The following CCDC63 variants were observed in gnomAD, a reference collection of about 807,000 sequenced individuals.
CCDC63 encodes the protein coiled-coil domain-containing protein 63.
A neutral mutation model predicts 63.6 loss-of-function variants in CCDC63; 54 were observed. The observed-to-expected ratio is 0.85, with a 90% CI of 0.68 to 1.07. The LOEUF (loss-of-function observed/expected upper bound fraction) is 1.07, where lower values mean the gene tolerates loss of function less well. Ranked by LOEUF, CCDC63 falls within the 50% of genes least tolerant of loss-of-function variation. The pLI is 0.00. For synonymous variants in CCDC63, 253 were observed against 266.1 expected, an observed-to-expected ratio of 0.95 and a Z score of 0.48; for missense variants, 637 against 689.6, an observed-to-expected ratio of 0.92 and a Z score of 0.86.
At chr12:110,877,998 C>T (rs757065383) in intron 5 of CCDC63, among the ~76,000 whole-genome samples, 14 of 151,966 alleles carry the variant, frequency 9.2e-5, no homozygotes, top group South Asian at 2.1e-4. Flanking sequence ...TGAGCCACTG[C>T]GCCCAGCCTT....
intron 5 of CCDC63, among the ~76,000 whole-genome samples, chr12:110,879,082 A>G (rs2071167354): frequency 6.6e-6 from 1 of 152,230 alleles, no homozygotes; most frequent in Non-Finnish European, 1.5e-5. Context: ...TTCAGTTTGC[A>G]TATTTTAAAA....
intron 4 of CCDC63, among the ~76,000 whole-genome samples, chr12:110,861,283 T>A (rs2070850029): frequency 6.6e-6 from 1 of 152,060 alleles, no homozygotes; most frequent in South Asian, 2.1e-4. Context: ...AATCTGGAAA[T>A]CTCTTCACAT....
At position 110,898,854 on chromosome 12, in the gene CCDC63, A is replaced by G. The variant is rs1376065764; in HGVS notation, c.1150-79A>G. 7.7e-6 allele frequency: 9 copies of G among 1,166,828 alleles called. No homozygotes were observed. In the East Asian group the frequency reaches 7.9e-5, roughly 10 times the overall value. 72.3% of individuals were successfully genotyped at this position (1,166,828 alleles called of 1,614,324 possible). A position where few individuals can be genotyped will look rare whatever the true frequency, so the allele number is the denominator to read the frequency against. On this transcript the variant is annotated intron_variant, in intron 9 of 11. Transcript: ENST00000308208. ...AGGTTTGAAAACCCGCAGTTTGGAG[A>G]CCCTGACCCCAGAGGGTCCCAAACA...
In CCDC63 at chr12:110,904,460, C is replaced by T. The variant is rs189801165; in HGVS notation, c.1343-128C>T. 5.3e-4 allele frequency: 392 copies of T among 735,500 alleles called. No homozygotes were observed. The African/African-American group carries it at 6.3e-3, about 12-fold the overall frequency. 45.6% of individuals were successfully genotyped at this position (735,500 alleles called of 1,614,324 possible). ...GCCCAGGAGAAAGCCTTTTCCTTGTCAGAGCCCAGATCCCGCACCTCCTGT... is the reference window on the plus strand; with the variant it reads ...GCCCAGGAGAAAGCCTTTTCCTTGTTAGAGCCCAGATCCCGCACCTCCTGT... On this transcript the variant is annotated intron_variant, in intron 10 of 11. Coordinates refer to ENST00000308208, the MANE Select transcript of CCDC63 (RefSeq NM_152591.3).
At chr12:110,862,540 A>T (rs2070869137) in intron 4 of CCDC63, among the ~76,000 whole-genome samples, 1 of 152,202 alleles carries the variant, frequency 6.6e-6, no homozygotes, top group South Asian at 2.1e-4. Flanking sequence ...CATCTGACGT[A>T]AAGACTCCAA....
In CCDC63 at chr12:110,898,965, T is replaced by G. The variant is rs769717493; in HGVS notation, c.1182T>G (p.Asp394Glu). ...DKLRKTTEEADMYESKYGEVS... is the reference protein window; with the variant it reads ...DKLRKTTEEAEMYESKYGEVS... ...TGAGGAAGACCACGGAGGAGGCAGA[T>G]ATGTATGAGAGCAAGTACGGGGAGG... The change falls in exon 10 of 12, where the codon GAT (aspartate) becomes GAG (glutamate). Residue 394 changes from aspartate to glutamate, a missense_variant. Asp to Glu is a conservative substitution (Grantham distance 45). Transcript: ENST00000308208. The G allele has an allele frequency of 3.7e-6, 6 of 1,610,102 alleles. No individual in the cohort carries two copies. Among genetic ancestry groups the G allele is most frequent in the Non-Finnish European group, 4.2e-6 (5 of 1,178,308 alleles).
intron 5 of CCDC63, 68 bp from the exon 6 acceptor site, chr12:110,879,838 G>A (rs1566128582): frequency 1.3e-6 from 2 of 1,500,748 alleles, no homozygotes; most frequent in African/African-American, 2.8e-5. Context: ...AGCCTTCCAG[G>A]TGCCTTCTGG....
At chr12:110,849,186 A>G (rs1053887658) in intron 1 of CCDC63, among the ~76,000 whole-genome samples, 2 of 152,222 alleles carry the variant, frequency 1.3e-5, no homozygotes, top group East Asian at 3.8e-4. Context: ...TTTTCAAGGT[A>G]TGGACCATGT....
intron 5 of CCDC63, among the ~76,000 whole-genome samples, chr12:110,879,489 G>A (rs929587997): frequency 1.3e-5 from 2 of 152,168 alleles, no homozygotes; most frequent in African/African-American, 4.8e-5. Context: ...AACCCTGCAT[G>A]AAAACAGCCC....
intron 8 of CCDC63, 100 bp from the exon 9 acceptor site, chr12:110,892,976 T>C (rs2071375784): frequency 3.3e-6 from 3 of 922,432 alleles, no homozygotes; most frequent in East Asian, 2.4e-5. Flanking sequence ...AAACGGATCA[T>C]TGAAATCCTC....
At chr12:110,904,858 C>G in intron 11 of CCDC63, 67 bp downstream of exon 11, 2 of 1,321,632 alleles carry the variant, frequency 1.5e-6, no homozygotes, top group South Asian at 2.8e-5. Context: ...CTGGGGAGAC[C>G]GTGTCCAGGT....
chr12:110,864,707 C>CAAA (rs112919673), intron 4 of CCDC63, among the ~76,000 whole-genome samples: 16 of 126,588 alleles, frequency 1.3e-4, no homozygotes, highest in South Asian at 5.0e-4. Context: ...GACTCCATCT[C>CAAA]AAAAAAAAAA....
chr12:110,888,859 T>A lies in CCDC63; in HGVS notation c.1075-4217T>A, dbSNP rs531149366. Among the ~76,000 whole-genome samples the A allele has an allele frequency of 8.5e-4, 122 of 143,840 alleles. No individual in the cohort carries two copies. In the Middle Eastern group the frequency reaches 0.021, roughly 24 times the overall value. The allele number at this position is 143,840 out of a possible 152,430, so 94.4% of individuals were successfully genotyped here. On this transcript the variant is annotated intron_variant, in intron 8 of 11. Coordinates refer to ENST00000308208, the MANE Select transcript of CCDC63 (RefSeq NM_152591.3). ...CTTCCTTCCTTCCTTCCTTCCTTCCTTCGTTTTTCTTTCTTTTTCTTTCTT... is the reference window on the plus strand; with the variant it reads ...CTTCCTTCCTTCCTTCCTTCCTTCCATCGTTTTTCTTTCTTTTTCTTTCTT...
intron 4 of CCDC63, among the ~76,000 whole-genome samples, chr12:110,864,354 G>T (rs927734290): frequency 6.6e-6 from 1 of 151,936 alleles, no homozygotes; most frequent in African/African-American, 2.4e-5. Flanking sequence ...TACTGGGGAG[G>T]CTGAAGCAGG....
At chr12:110,881,447 T>C in intron 7 of CCDC63, 151 bp downstream of exon 7, 1 of 804,370 alleles carries the variant, frequency 1.2e-6, no homozygotes, top group Non-Finnish European at 1.9e-6. Flanking sequence ...AGGTTGTGCA[T>C]GGTGGCTCAC....
rs372917745 is a variant in CCDC63 at position 110,853,529 on chromosome 12, G to A, written c.134G>A (p.Arg45Gln). The A allele has an allele frequency of 1.5e-5, 25 of 1,614,078 alleles. No individual in the cohort carries two copies. Among genetic ancestry groups the A allele is most frequent in the South Asian group, 6.6e-5 (6 of 91,086 alleles). ...RQQFRKMVES[R>Q]KSFKFRNQQK... Reference sequence around the variant, plus strand: ...CAGTTCAGGAAGATGGTGGAAAGCCGGAAGTCTTTTAAGTTCCGAAACCAG... The same window carrying A: ...CAGTTCAGGAAGATGGTGGAAAGCCAGAAGTCTTTTAAGTTCCGAAACCAG... Residue 45 changes from arginine to glutamine, a missense_variant, in exon 3 of 12, where the codon CGG becomes CAG. Arg to Gln is a conservative substitution (Grantham distance 43). Coordinates refer to ENST00000308208, the MANE Select transcript of CCDC63 (RefSeq NM_152591.3).
chr12:110,893,201 CTG>C (rs771866975), intron 9 of CCDC63, 51 bp downstream of exon 9: 6 of 1,461,428 alleles, frequency 4.1e-6, no homozygotes, highest in Non-Finnish European at 5.7e-6. Context: ...TTGTCTGTCT[CTG>C]TGTCTGACGG....
At chr12:110,892,908 G>GA (rs906138405) in intron 8 of CCDC63, among the ~76,000 whole-genome samples, 168 bp from the exon 9 acceptor site, 4 of 151,010 alleles carry the variant, frequency 2.6e-5, no homozygotes, top group South Asian at 2.1e-4. Context: ...AACATCAGAA[G>GA]AAAAAAAAAT....
intron 4 of CCDC63, among the ~76,000 whole-genome samples, chr12:110,869,989 C>A (rs2071042567): frequency 6.6e-6 from 1 of 152,154 alleles, no homozygotes; most frequent in South Asian, 2.1e-4. Flanking sequence ...TCACCCGGTT[C>A]CCCCAATGTA....
Sources: gnomAD v4.1 joint callset for allele counts (sites outside exome capture counted in the v4.1 genomes callset) on GRCh38, gnomAD v4.1.1 for gene constraint, MANE v1.5 for transcripts, NCBI Gene and HGNC (gene_info 2026-07-23, HGNC 2026-07-21) for gene names.